TBC1D5: variants seen among roughly 807,000 people sequenced by gnomAD.
TBC1D5 encodes TBC1 domain family member 5, also known as TBC1 domain family, member 5.
TBC1D5 carries 75 observed loss-of-function variants against 100.3 expected under a neutral mutation model. That is an observed-to-expected ratio of 0.75 (90% CI 0.62 to 0.91). The LOEUF is 0.91. TBC1D5 is among the 40% of genes least tolerant of loss of function. The pLI is 0.00. For synonymous variants in TBC1D5, 323 were observed against 325.6 expected, an observed-to-expected ratio of 0.99 and a Z score of 0.09; for missense variants, 910 against 942.4, an observed-to-expected ratio of 0.97 and a Z score of 0.45.
At chr3:17,519,639 C>G (rs2153301478) in intron 2 of TBC1D5, among the ~76,000 whole-genome samples, 1 of 152,296 alleles carries the variant, frequency 6.6e-6, no homozygotes, top group East Asian at 1.9e-4. Context: ...CACCCCAGAA[C>G]TTGCAAAAAT....
intron 4 of TBC1D5, among the ~76,000 whole-genome samples, chr3:17,427,419 T>C (rs947868350): frequency 6.3e-4 from 95 of 151,912 alleles, no homozygotes; most frequent in Non-Finnish European, 5.9e-5. Flanking sequence ...GGCCCAACTC[T>C]AGATGTTAAA....
At chr3:17,285,301 C>T (rs1309606764) in intron 15 of TBC1D5, among the ~76,000 whole-genome samples, 1 of 141,970 alleles carries the variant, frequency 7.0e-6, no homozygotes, top group Admixed American at 7.0e-5. Context: ...CGCTCTGTCG[C>T]CCAGGCTGGA....
intron 14 of TBC1D5, 76 bp from the exon 15 acceptor site, chr3:17,292,077 CAACTT>C (rs2081818090): frequency 1.5e-6 from 2 of 1,290,402 alleles, no homozygotes; most frequent in Non-Finnish European, 2.2e-6. Flanking sequence ...TAAAATCTAA[CAACTT>C]AAGAGTCAAT....
intron 1 of TBC1D5, among the ~76,000 whole-genome samples, chr3:17,698,145 C>T (rs1164338352): frequency 1.3e-5 from 2 of 152,164 alleles, no homozygotes; most frequent in Non-Finnish European, 2.9e-5. Context: ...TCAAACTATA[C>T]TACAAGGCTA....
At chr3:17,693,239 T>C (rs929316969) in intron 1 of TBC1D5, among the ~76,000 whole-genome samples, 2 of 152,184 alleles carry the variant, frequency 1.3e-5, no homozygotes, top group African/African-American at 4.8e-5. Context: ...GGTTGGACAT[T>C]GGGTGCAGCC....
upstream of TBC1D5, among the ~76,000 whole-genome samples, chr3:17,741,946 CTA>C (rs1208748995): frequency 6.6e-6 from 1 of 150,906 alleles, no homozygotes; most frequent in Non-Finnish European, 1.5e-5. Flanking sequence ...CTTCTAAAGA[CTA>C]TTAAGGTTTG....
At chr3:17,527,734 A>G (rs1482456381) in intron 2 of TBC1D5, among the ~76,000 whole-genome samples, 1 of 152,154 alleles carries the variant, frequency 6.6e-6, no homozygotes, top group East Asian at 1.9e-4. Flanking sequence ...AAAGAAACCA[A>G]AAAACTTAGT....
intron 1 of TBC1D5, among the ~76,000 whole-genome samples, chr3:17,696,070 T>C (rs113119691): frequency 1.6e-4 from 24 of 152,170 alleles, no homozygotes; most frequent in Non-Finnish European, 3.4e-4. Context: ...AGACACAATG[T>C]ACCAGAATCT....
Position 17,363,600 on chromosome 3 carries a change from A to C in TBC1D5, c.995+8475T>G, listed in dbSNP as rs369285015. Among the ~76,000 whole-genome samples the C allele has an allele frequency of 2.3e-4, 35 of 150,950 alleles. No homozygotes were observed. In the East Asian group the frequency reaches 6.6e-3, roughly 28 times the overall value. On this transcript the variant is annotated intron_variant, in intron 13 of 21. Transcript: ENST00000253692. ...TATTTTTATTTTTTGGGTAGAGACA[A>C]GGGTCTCACTACCTTGCCCCCAGCC...
At chr3:17,634,621 T>G (rs1031787070) in intron 1 of TBC1D5, among the ~76,000 whole-genome samples, 1 of 118,824 alleles carries the variant, frequency 8.4e-6, no homozygotes, top group African/African-American at 3.2e-5. Context: ...GGATGGCTAA[T>G]AGGGTAAAAA....
At chr3:17,485,387 GGTTA>G (rs1419467065) in intron 3 of TBC1D5, among the ~76,000 whole-genome samples, 2 of 151,360 alleles carry the variant, frequency 1.3e-5, no homozygotes, top group African/African-American at 4.9e-5. Flanking sequence ...ACAATGTGCA[GGTTA>G]GTTACATATG....
At chr3:17,300,605 C>A (rs1219149025) in intron 14 of TBC1D5, among the ~76,000 whole-genome samples, 2 of 152,066 alleles carry the variant, frequency 1.3e-5, no homozygotes, top group South Asian at 2.1e-4. Context: ...CTAAAGAAAT[C>A]CCTATCAAAA....
intron 1 of TBC1D5, among the ~76,000 whole-genome samples, chr3:17,713,038 C>T (rs1458163567): frequency 6.6e-6 from 1 of 152,120 alleles, no homozygotes; most frequent in Non-Finnish European, 1.5e-5. Flanking sequence ...TGACTTAAAC[C>T]TCTCTCTTTA....
intron 1 of TBC1D5, chr3:17,706,294 C>T: frequency 1.3e-6 from 2 of 1,532,364 alleles, no homozygotes; most frequent in Non-Finnish European, 1.8e-6. Context: ...ACTAGAGGGT[C>T]TCACCTTTTC....
chr3:17,481,148 A>G (rs2095496928), intron 3 of TBC1D5, among the ~76,000 whole-genome samples: 1 of 152,136 alleles, frequency 6.6e-6, no homozygotes, highest in African/African-American at 2.4e-5. Context: ...GGTGCCCACA[A>G]TGGAAGTCAC....
chr3:17,543,270 A>G (rs558157615), intron 2 of TBC1D5, among the ~76,000 whole-genome samples: 6 of 152,352 alleles, frequency 3.9e-5, no homozygotes, highest in African/African-American at 1.4e-4. Context: ...AATTCAATGT[A>G]AACATTATAA....
chr3:17,702,489 C>T (rs565414830), intron 1 of TBC1D5: 2 of 151,924 alleles, frequency 1.3e-5, no homozygotes, highest in Non-Finnish European at 2.9e-5. Flanking sequence ...ACATAGTGAA[C>T]GGCATTAAAA....
intron 16 of TBC1D5, among the ~76,000 whole-genome samples, chr3:17,243,681 A>T (rs1000208477): frequency 6.6e-6 from 1 of 152,202 alleles, no homozygotes; most frequent in Non-Finnish European, 1.5e-5. Flanking sequence ...CAGAACAAGA[A>T]GGCATGGATA....
At chr3:17,699,172 A>G (rs2072695578) in intron 1 of TBC1D5, among the ~76,000 whole-genome samples, 1 of 127,144 alleles carries the variant, frequency 7.9e-6, no homozygotes, top group African/African-American at 3.0e-5. Context: ...GACTGGATTA[A>G]GAAAATGTGG....
Sources: gnomAD v4.1 joint callset for allele counts (sites outside exome capture counted in the v4.1 genomes callset) on GRCh38, gnomAD v4.1.1 for gene constraint, MANE v1.5 for transcripts, NCBI Gene and HGNC (gene_info 2026-07-23, HGNC 2026-07-21) for gene names.